The following GOLPH3 variants were observed in gnomAD, a reference collection of about 807,000 sequenced individuals.
The protein encoded by GOLPH3 is coat protein GPP34.
GOLPH3 carries 14 observed loss-of-function variants against 28.5 expected under a neutral mutation model. That is an observed-to-expected ratio of 0.49 (90% confidence interval 0.32 to 0.77). The LOEUF (loss-of-function observed/expected upper bound fraction) is 0.77, where lower values mean the gene tolerates loss of function less well. Among genes scored for constraint, GOLPH3 ranks in the 30% least tolerant of loss-of-function variants. The pLI is 0.03. For synonymous variants in GOLPH3, 158 were observed against 159.2 expected (o/e 0.99, Z 0.06); for missense variants, 350 against 393.7 (o/e 0.89, Z 0.94).
At chr5:32,165,971 G>A (rs930449702) in intron 1 of GOLPH3, among the ~76,000 whole-genome samples, 5 of 152,130 alleles carry the variant, frequency 3.3e-5, no homozygotes, top group East Asian at 3.9e-4. Context: ...AAGAAAAGAC[G>A]AAAACCTTAA....
chr5:32,149,304 A>G (rs912557455), intron 1 of GOLPH3, among the ~76,000 whole-genome samples: 1 of 152,358 alleles, frequency 6.6e-6, no homozygotes, highest in Admixed American at 6.5e-5. Context: ...TTAACCTGCT[A>G]TGTTTTGTTA....
chr5:32,141,240 AT>A (rs2111852304), intron 2 of GOLPH3, among the ~76,000 whole-genome samples: 1 of 152,122 alleles, frequency 6.6e-6, no homozygotes, highest in African/African-American at 2.4e-5. Flanking sequence ...ATTAATCAAG[AT>A]GCATTCCGCT....
intron 1 of GOLPH3, among the ~76,000 whole-genome samples, chr5:32,164,536 G>A (rs1035472413): frequency 6.6e-6 from 1 of 151,978 alleles, no homozygotes; most frequent in African/African-American, 2.4e-5. Flanking sequence ...TGGGACTACA[G>A]GAGCCCGCCA....
chr5:32,169,953 T>C (rs1352511537), intron 1 of GOLPH3, among the ~76,000 whole-genome samples: 1 of 148,952 alleles, frequency 6.7e-6, no homozygotes, highest in Non-Finnish European at 1.5e-5. Flanking sequence ...ATCTGAAATG[T>C]GTAAAGAAAA....
chr5:32,126,556 C>T lies in GOLPH3; in HGVS notation c.553G>A (p.Gly185Ser). 1 of 1,614,038 alleles carries T rather than the reference C, an allele frequency of 6.2e-7. No homozygotes were observed. Among genetic ancestry groups the T allele is most frequent in the Non-Finnish European group, 8.5e-7 (1 of 1,179,984 alleles). The change falls in exon 4 of 4, where the codon GGT (glycine) becomes AGT (serine). Residue 185 changes from glycine (G) to serine (S), a missense_variant. Coordinates refer to ENST00000265070, the MANE Select transcript of GOLPH3 (RefSeq NM_022130.4). ...ERLAKNLVEK[G>S]VLTTEKQNFL... ...TTCTGTTTCTCTGTTGTCAATACAC[C>T]CTTTTCCACCAGGTTTTTAGCTAAT...
At chr5:32,137,061 G>A (rs565752482) in intron 2 of GOLPH3, among the ~76,000 whole-genome samples, 266 of 152,086 alleles carry the variant, frequency 1.7e-3, no homozygotes, top group Non-Finnish European at 1.9e-3. Context: ...CCCGGTACAA[G>A]CAATTCTCCT....
chr5:32,159,037 T>C (rs1410781424), intron 1 of GOLPH3, among the ~76,000 whole-genome samples: 1 of 152,220 alleles, frequency 6.6e-6, no homozygotes, highest in Non-Finnish European at 1.5e-5. Flanking sequence ...TGCCACGCAC[T>C]GAGTGGCAAA....
chr5:32,155,956 C>CAAAAAAAAAAAAAAA (rs70961608), intron 1 of GOLPH3, among the ~76,000 whole-genome samples: 3 of 47,770 alleles, frequency 6.3e-5, no homozygotes, highest in African/African-American at 1.1e-4. Flanking sequence ...AACACTGTCT[C>CAAAAAAAAAAAAAAA]AAAAAAAAAA....
intron 1 of GOLPH3, among the ~76,000 whole-genome samples, chr5:32,161,452 A>C (rs931101904): frequency 6.7e-6 from 1 of 149,182 alleles, no homozygotes; most frequent in Non-Finnish European, 1.5e-5. Flanking sequence ...ACCAAAGCTG[A>C]GAATATGGAA....
Position 32,173,706 on chromosome 5 carries a change from T to C in GOLPH3, c.225+104A>G, listed in dbSNP as rs529779008. On this transcript the variant is annotated intron_variant, in intron 1 of 3. Coordinates refer to ENST00000265070, the MANE Select transcript of GOLPH3 (RefSeq NM_022130.4). Reference sequence around the variant, plus strand: ...GCGCGGACTTCGGAGCGAGGGCAGGTGCGCGGGCCGGAAGCCTCGGGCGCT... The same window carrying C: ...GCGCGGACTTCGGAGCGAGGGCAGGCGCGCGGGCCGGAAGCCTCGGGCGCT... 195 of 785,936 alleles carry C rather than the reference T, an allele frequency of 2.5e-4. 1 individual carries two copies. The African/African-American group carries it at 3.1e-3, about 12-fold the overall frequency. 48.7% of individuals were successfully genotyped at this position (785,936 alleles called of 1,614,324 possible). A position where few individuals can be genotyped will look rare whatever the true frequency, so the allele number is the denominator to read the frequency against.
intron 1 of GOLPH3, among the ~76,000 whole-genome samples, chr5:32,170,270 T>G (rs988840279): frequency 6.6e-6 from 1 of 152,130 alleles, no homozygotes; most frequent in African/African-American, 2.4e-5. Flanking sequence ...ATTAAGCCAG[T>G]GGTTACCCCT....
At chr5:32,161,592 CTATTT>C (rs1561681862) in intron 1 of GOLPH3, among the ~76,000 whole-genome samples, 1 of 151,162 alleles carries the variant, frequency 6.6e-6, no homozygotes, top group African/African-American at 2.5e-5. Flanking sequence ...TTTACATGTG[CTATTT>C]TATTTAATTG....
At chr5:32,160,959 C>T (rs4288129) in intron 1 of GOLPH3, among the ~76,000 whole-genome samples, 4,934 of 147,566 alleles carry the variant, frequency 0.033, 117 homozygotes, top group Non-Finnish European at 0.052. Flanking sequence ...CCCAGCTACT[C>T]GGGAGGCTGA....
At chr5:32,127,938 C>T (rs1273430428) in intron 3 of GOLPH3, among the ~76,000 whole-genome samples, 1 of 151,998 alleles carries the variant, frequency 6.6e-6, no homozygotes, top group Admixed American at 6.6e-5. Context: ...AGGCACGTCC[C>T]AGGCAGCAGA....
At chr5:32,147,088 T>C (rs890591092) in intron 1 of GOLPH3, among the ~76,000 whole-genome samples, 1 of 152,100 alleles carries the variant, frequency 6.6e-6, no homozygotes. Context: ...AGGTTTGTAT[T>C]TACAAAAAAA....
At chr5:32,166,331 G>A (rs941314850) in intron 1 of GOLPH3, among the ~76,000 whole-genome samples, 1 of 152,180 alleles carries the variant, frequency 6.6e-6, no homozygotes, top group Non-Finnish European at 1.5e-5. Context: ...AATAGCCTAT[G>A]TTCTAAATAT....
intron 2 of GOLPH3, among the ~76,000 whole-genome samples, chr5:32,138,777 T>C (rs536686604): frequency 4.3e-4 from 66 of 152,328 alleles, no homozygotes; most frequent in African/African-American, 1.5e-3. Context: ...GGCTCATAGA[T>C]GTATGTAGCT....
intron 2 of GOLPH3, among the ~76,000 whole-genome samples, chr5:32,136,277 C>G (rs1273626695): frequency 1.3e-5 from 2 of 151,992 alleles, no homozygotes; most frequent in East Asian, 3.9e-4. Context: ...GTCAGGAGTT[C>G]AAGACCAGCC....
chr5:32,132,296 T>A (rs966450843), intron 3 of GOLPH3, among the ~76,000 whole-genome samples: 6 of 152,176 alleles, frequency 3.9e-5, no homozygotes, highest in Non-Finnish European at 5.9e-5. Flanking sequence ...AATAATAAAA[T>A]GAGCCCCTGG....
Sources: allele counts gnomAD v4.1 joint callset (sites outside exome capture counted in the v4.1 genomes callset), GRCh38; gene constraint gnomAD v4.1.1; transcripts MANE v1.5; gene names NCBI Gene and HGNC (gene_info 2026-07-23, HGNC 2026-07-21).